The following CCM2 variants were observed in gnomAD, a reference collection of about 807,000 sequenced individuals.
CCM2 encodes CCM2 scaffold protein, also known as cerebral cavernous malformations 2 protein.
A neutral mutation model predicts 44.9 loss-of-function variants in CCM2; 25 were observed. The ratio of observed to expected loss-of-function variants is 0.56; its 90% CI spans 0.41 to 0.78. CCM2 has a LOEUF of 0.78. CCM2 is among the 30% of genes least tolerant of loss of function. The pLI is 0.00. For synonymous variants in CCM2, 219 were observed against 241.1 expected, an observed-to-expected ratio of 0.91 and a Z score of 0.85; for missense variants, 481 against 580.6, an observed-to-expected ratio of 0.83 and a Z score of 1.76.
intron 2 of CCM2, among the ~76,000 whole-genome samples, chr7:45,049,883 A>G (rs958576100): frequency 1.3e-5 from 2 of 152,240 alleles, no homozygotes; most frequent in Admixed American, 6.5e-5. Context: ...CACTACAACA[A>G]TAAAAAATAA....
chr7:45,034,512 CTTTTTTTTTTTT>C lies in CCM2; in HGVS notation c.31-3729_31-3718del, dbSNP rs35845924. ...ATAAGCATGTGCCACCATGCCTGGCCTTTTTTTTTTTTTTTTTTTTTTTGAGATGGAGTTTCA... is the reference window on the plus strand; with the variant it reads ...ATAAGCATGTGCCACCATGCCTGGCCTTTTTTTTTTTGAGATGGAGTTTCA... On this transcript the variant is annotated intron_variant, in intron 1 of 9. Transcript: ENST00000258781. Among the ~76,000 whole-genome samples the C allele has an allele frequency of 6.1e-5, 4 of 65,222 alleles. No individual in the cohort carries two copies. In the South Asian group the frequency reaches 2.9e-3, roughly 47 times the overall value. 42.8% of individuals were successfully genotyped at this position (65,222 alleles called of 152,430 possible). A position where few individuals can be genotyped will look rare whatever the true frequency, so the allele number is the denominator to read the frequency against.
chr7:45,034,737 C>T (rs1363323362), intron 1 of CCM2, among the ~76,000 whole-genome samples: 1 of 151,810 alleles, frequency 6.6e-6, no homozygotes, highest in Non-Finnish European at 1.5e-5. Flanking sequence ...CCAGGCTGGT[C>T]TCTTAACTCC....
intron 8 of CCM2, 57 bp from the exon 9 acceptor site, chr7:45,074,213 G>A (rs1352271444): frequency 2.5e-6 from 4 of 1,610,708 alleles, no homozygotes; most frequent in African/African-American, 2.7e-5. Flanking sequence ...AGGTGGGCCC[G>A]ACTGCCGACT....
At chr7:45,028,324 C>G (rs1796785066) in intron 1 of CCM2, among the ~76,000 whole-genome samples, 2 of 152,284 alleles carry the variant, frequency 1.3e-5, no homozygotes, top group South Asian at 4.1e-4. Flanking sequence ...CTCACTGAAG[C>G]AAACAGGCGG....
intron 1 of CCM2, among the ~76,000 whole-genome samples, chr7:45,007,531 CTG>C (rs903123381): frequency 3.9e-5 from 6 of 152,064 alleles, no homozygotes; most frequent in Non-Finnish European, 7.4e-5. Context: ...AGCCTTGTGT[CTG>C]TGCCAAAAAT....
At chr7:45,001,761 G>GGA (rs144739122) in intron 1 of CCM2, among the ~76,000 whole-genome samples, 114 of 151,966 alleles carry the variant, frequency 7.5e-4, no homozygotes, top group African/African-American at 2.4e-3. Context: ...CAGCAAATAG[G>GGA]GAGAGAGAGA....
At chr7:45,070,654 A>G (rs545169489) in intron 6 of CCM2, 2 of 284,308 alleles carry the variant, frequency 7.0e-6, no homozygotes, top group East Asian at 1.1e-4. Flanking sequence ...GAGGTGCATA[A>G]AAAGCTGTTG....
At chr7:45,019,670 ACTT>A (rs1796404870) in intron 1 of CCM2, among the ~76,000 whole-genome samples, 1 of 151,716 alleles carries the variant, frequency 6.6e-6, no homozygotes, top group Non-Finnish European at 1.5e-5. Flanking sequence ...GTGACCTTAA[ACTT>A]CTGGGCTCAA....
At chr7:45,029,053 C>A (rs1042596090) in intron 1 of CCM2, among the ~76,000 whole-genome samples, 1 of 152,136 alleles carries the variant, frequency 6.6e-6, no homozygotes, top group East Asian at 1.9e-4. Flanking sequence ...CTTCTCAGAC[C>A]CAGGCACTGA....
intron 1 of CCM2, among the ~76,000 whole-genome samples, chr7:45,014,819 G>A (rs1040449174): frequency 5.3e-5 from 8 of 151,192 alleles, no homozygotes; most frequent in South Asian, 2.1e-4. Context: ...ACGGGGTTTC[G>A]TCATGTTGGC....
intron 1 of CCM2, among the ~76,000 whole-genome samples, chr7:45,008,356 C>CTTTTTTTTTTTTTTTTTTT (rs59435094): frequency 1.7e-5 from 2 of 114,774 alleles, no homozygotes; most frequent in African/African-American, 4.1e-5. Flanking sequence ...GGTACATGTT[C>CTTTTTTTTTTTTTTTTTTT]TTTTTTTTTT....
intron 2 of CCM2, 88 bp downstream of exon 2, chr7:45,038,514 C>A: frequency 7.5e-7 from 1 of 1,330,256 alleles, no homozygotes; most frequent in Non-Finnish European, 1.1e-6. Flanking sequence ...GTTTATAAGA[C>A]ACAGCCACAC....
intron 6 of CCM2, chr7:45,070,570 T>G (rs1264426817): frequency 2.6e-6 from 1 of 390,878 alleles, no homozygotes; most frequent in East Asian, 8.0e-5. Context: ...CAAGCTCACT[T>G]GAGTTAAGTC....
chr7:45,028,664 A>G (rs1227859700), intron 1 of CCM2, among the ~76,000 whole-genome samples: 2 of 152,086 alleles, frequency 1.3e-5, no homozygotes, highest in African/African-American at 4.8e-5. Flanking sequence ...CTCAAAAAAA[A>G]AGAAAAGAAA....
At chr7:45,059,612 G>T (rs953854544) in intron 2 of CCM2, among the ~76,000 whole-genome samples, 15 of 152,032 alleles carry the variant, frequency 9.9e-5, no homozygotes, top group African/African-American at 3.6e-4. Flanking sequence ...AGCTGGGCCT[G>T]GTGGCATGTG....
At chr7:45,024,077 C>G (rs1211864881) in intron 1 of CCM2, among the ~76,000 whole-genome samples, 1 of 152,112 alleles carries the variant, frequency 6.6e-6, no homozygotes, top group Non-Finnish European at 1.5e-5. Flanking sequence ...TCCCAAAGTG[C>G]TGGGATTACA....
intron 6 of CCM2, chr7:45,071,507 G>A (rs1198067839): frequency 1.1e-5 from 3 of 283,502 alleles, no homozygotes; most frequent in Admixed American, 5.0e-5. Context: ...CTGCCTTGGA[G>A]TTTTGCTTGC....
chr7:45,042,968 C>CTTTT (rs35874377), intron 2 of CCM2, among the ~76,000 whole-genome samples: 1 of 134,620 alleles, frequency 7.4e-6, no homozygotes, highest in Non-Finnish European at 1.6e-5. Context: ...TCTTCTTCTT[C>CTTTT]TTTTTTTTTT....
intron 6 of CCM2, 24 bp from the exon 7 acceptor site, chr7:45,072,702 T>G: frequency 6.3e-7 from 1 of 1,596,728 alleles, no homozygotes; most frequent in Non-Finnish European, 8.6e-7. Flanking sequence ...AAAGTCATCT[T>G]AGTTTTCTGC....
Sources: allele counts gnomAD v4.1 joint callset (sites outside exome capture counted in the v4.1 genomes callset), GRCh38; gene constraint gnomAD v4.1.1; transcripts MANE v1.5; gene names NCBI Gene and HGNC (gene_info 2026-07-23, HGNC 2026-07-21).